RBPMS: variants seen among roughly 807,000 people sequenced by gnomAD.
The protein encoded by RBPMS is RNA-binding protein with multiple splicing.
A neutral mutation model predicts 26.8 loss-of-function variants in RBPMS; 7 were observed. That is an observed-to-expected ratio of 0.26 (90% CI 0.15 to 0.49). The LOEUF is 0.49. Ranked by LOEUF, RBPMS falls within the 20% of genes least tolerant of loss-of-function variation. RBPMS has a pLI of 0.98. For missense variants in RBPMS, 186 were observed against 250.0 expected, an observed-to-expected ratio of 0.74 and a Z score of 1.73; for synonymous variants, 96 against 93.3, an observed-to-expected ratio of 1.03 and a Z score of -0.17.
At chr8:30,543,992 T>C (rs138582681) in intron 5 of RBPMS, among the ~76,000 whole-genome samples, 224 of 152,342 alleles carry the variant, frequency 1.5e-3, no homozygotes, top group Middle Eastern at 3.4e-3. Flanking sequence ...TGGAAAATGC[T>C]TGATGATCAT....
At chr8:30,417,730 G>A (rs943063515) in intron 1 of RBPMS, among the ~76,000 whole-genome samples, 4 of 147,040 alleles carry the variant, frequency 2.7e-5, no homozygotes, top group African/African-American at 1.1e-4. Context: ...TTAACTTGAC[G>A]TTAAAGTTTA....
intron 1 of RBPMS, among the ~76,000 whole-genome samples, chr8:30,441,676 T>A (rs916279507): frequency 6.6e-6 from 1 of 152,108 alleles, no homozygotes; most frequent in Non-Finnish European, 1.5e-5. Context: ...TATCAACATA[T>A]GTTTCCTTAT....
At chr8:30,530,224 C>T (rs1237242072) in intron 5 of RBPMS, among the ~76,000 whole-genome samples, 3 of 152,154 alleles carry the variant, frequency 2.0e-5, no homozygotes, top group African/African-American at 7.2e-5. Context: ...TGAGAACCAC[C>T]CCAGGATGAG....
chr8:30,546,453 G>A (rs941249339), intron 6 of RBPMS, among the ~76,000 whole-genome samples: 2 of 152,226 alleles, frequency 1.3e-5, no homozygotes, highest in Admixed American at 6.5e-5. Context: ...GGTATGGTAA[G>A]AGAAGGGCCT....
chr8:30,486,900 T>C (rs1818853616), intron 4 of RBPMS, among the ~76,000 whole-genome samples: 1 of 152,228 alleles, frequency 6.6e-6, no homozygotes, highest in South Asian at 2.1e-4. Flanking sequence ...TGAGGATCTA[T>C]TTGTTTAAAC....
intron 5 of RBPMS, among the ~76,000 whole-genome samples, chr8:30,518,808 T>G (rs1822671796): frequency 6.8e-6 from 1 of 146,492 alleles, no homozygotes; most frequent in Non-Finnish European, 1.5e-5. Context: ...TAACCCCTCC[T>G]GACCTCAGTG....
At chr8:30,485,004 A>G (rs922097985) in intron 4 of RBPMS, among the ~76,000 whole-genome samples, 1 of 152,252 alleles carries the variant, frequency 6.6e-6, no homozygotes, top group Admixed American at 6.5e-5. Flanking sequence ...GTAAAGGGAA[A>G]ACAAGCAAAA....
intron 1 of RBPMS, among the ~76,000 whole-genome samples, chr8:30,474,371 C>T (rs1008733508): frequency 6.6e-6 from 1 of 152,102 alleles, no homozygotes; most frequent in African/African-American, 2.4e-5. Context: ...ATTTACTGTG[C>T]TCATGTCATT....
At chr8:30,530,301 T>C (rs941282330) in intron 5 of RBPMS, among the ~76,000 whole-genome samples, 2 of 152,308 alleles carry the variant, frequency 1.3e-5, no homozygotes, top group African/African-American at 4.8e-5. Flanking sequence ...GTATTGAGAG[T>C]GAGGCTGACC....
intron 5 of RBPMS, among the ~76,000 whole-genome samples, chr8:30,510,748 T>C (rs1178237709): frequency 6.6e-6 from 1 of 152,082 alleles, no homozygotes; most frequent in African/African-American, 2.4e-5. Context: ...CCCAGCTAAA[T>C]CTTTATTTTT....
chr8:30,434,684 A>G (rs1488435274), intron 1 of RBPMS, among the ~76,000 whole-genome samples: 1 of 149,466 alleles, frequency 6.7e-6, no homozygotes, highest in Non-Finnish European at 1.5e-5. Context: ...AGCCTGGGAG[A>G]CAGAGCGAGA....
chr8:30,470,154 C>T (rs558696375), intron 1 of RBPMS, among the ~76,000 whole-genome samples: 5 of 151,908 alleles, frequency 3.3e-5, no homozygotes, highest in African/African-American at 7.3e-5. Flanking sequence ...GAGGCCAAGA[C>T]GGGCAGATCA....
chr8:30,524,954 T>G (rs970217996), intron 5 of RBPMS, among the ~76,000 whole-genome samples: 3 of 152,190 alleles, frequency 2.0e-5, no homozygotes, highest in Non-Finnish European at 2.9e-5. Flanking sequence ...TAGTCTATCA[T>G]ACCATTTTTG....
At chr8:30,531,843 G>GA (rs1824255239) in intron 5 of RBPMS, among the ~76,000 whole-genome samples, 1 of 152,204 alleles carries the variant, frequency 6.6e-6, no homozygotes, top group Non-Finnish European at 1.5e-5. Flanking sequence ...CTATTCAGGG[G>GA]ACTGAGGTAC....
chr8:30,418,527 C>T (rs118120903), intron 1 of RBPMS, among the ~76,000 whole-genome samples: 1,523 of 152,216 alleles, frequency 0.01, 15 homozygotes, highest in Non-Finnish European at 0.016. Flanking sequence ...TATCTTTTGT[C>T]TATTTTTCTG....
chr8:30,467,186 G>A (rs1361197049), intron 1 of RBPMS, among the ~76,000 whole-genome samples: 1 of 152,186 alleles, frequency 6.6e-6, no homozygotes, highest in Non-Finnish European at 1.5e-5. Context: ...TGGTGGCAAG[G>A]CCTGAATGGG....
chr8:30,529,046 G>A (rs1163225270), intron 5 of RBPMS, among the ~76,000 whole-genome samples: 3 of 151,478 alleles, frequency 2.0e-5, no homozygotes, highest in African/African-American at 4.9e-5. Flanking sequence ...TAAAGCCCAC[G>A]TCTCTACCAA....
chr8:30,389,906 G>A (rs989774227), intron 1 of RBPMS, among the ~76,000 whole-genome samples: 7 of 152,112 alleles, frequency 4.6e-5, no homozygotes, highest in Admixed American at 1.3e-4. Flanking sequence ...CAGGGCCACC[G>A]TGCTCTCTAA....
intron 4 of RBPMS, among the ~76,000 whole-genome samples, chr8:30,490,442 G>C (rs913884581): frequency 4.6e-5 from 7 of 151,410 alleles, no homozygotes; most frequent in African/African-American, 9.7e-5. Flanking sequence ...TCCTGACTTA[G>C]AGGGGTTTTG....
Sources: allele counts gnomAD v4.1 joint callset (sites outside exome capture counted in the v4.1 genomes callset), GRCh38; gene constraint gnomAD v4.1.1; transcripts MANE v1.5; gene names NCBI Gene and HGNC (gene_info 2026-07-23, HGNC 2026-07-21).